Variants in PAM observed in about 807,000 individuals in gnomAD.
The protein encoded by PAM is peptidyl-glycine alpha-amidating monooxygenase.
A neutral mutation model predicts 122.1 loss-of-function variants in PAM; 72 were observed. That is an observed-to-expected ratio of 0.59 (90% CI 0.49 to 0.72). The LOEUF is 0.72. PAM is among the 30% of genes least tolerant of loss of function. PAM has a pLI of 0.00. For synonymous variants in PAM, 389 were observed against 404.4 expected, an observed-to-expected ratio of 0.96 and a Z score of 0.46; for missense variants, 1,106 against 1,183.7, an observed-to-expected ratio of 0.93 and a Z score of 0.96.
intron 3 of PAM, among the ~76,000 whole-genome samples, chr5:102,890,137 C>T (rs1581378887): frequency 6.6e-6 from 1 of 151,818 alleles, no homozygotes; most frequent in African/African-American, 2.4e-5. Context: ...TATCATTTAA[C>T]ATGTTTCTCT....
chr5:102,847,316 A>G (rs532932203), intron 1 of PAM, among the ~76,000 whole-genome samples: 1 of 152,256 alleles, frequency 6.6e-6, no homozygotes, highest in South Asian at 2.1e-4. Flanking sequence ...ACATGTGCCT[A>G]TAATCCCAGC....
chr5:102,958,942 A>G (rs1408119656), intron 12 of PAM, among the ~76,000 whole-genome samples: 1 of 152,104 alleles, frequency 6.6e-6, no homozygotes, highest in Non-Finnish European at 1.5e-5. Context: ...ACTAAAATGG[A>G]CATGTTCCTT....
chr5:102,927,995 A>T (rs949438126), intron 7 of PAM, among the ~76,000 whole-genome samples: 1 of 152,214 alleles, frequency 6.6e-6, no homozygotes, highest in African/African-American at 2.4e-5. Flanking sequence ...GACAGAGATT[A>T]TCTGCTCTAA....
At chr5:103,022,734 C>T (rs1240154511) in intron 23 of PAM, among the ~76,000 whole-genome samples, 1 of 152,054 alleles carries the variant, frequency 6.6e-6, no homozygotes, top group African/African-American at 2.4e-5. Context: ...AGCTTCTTCA[C>T]TCTTCATTCA....
At chr5:102,790,681 A>G (rs1158977348) in intron 1 of PAM, among the ~76,000 whole-genome samples, 2 of 152,206 alleles carry the variant, frequency 1.3e-5, no homozygotes, top group African/African-American at 4.8e-5. Flanking sequence ...CTTACAGAAC[A>G]CTATTTTCAT....
chr5:102,841,637 A>G (rs1778661684), intron 1 of PAM, among the ~76,000 whole-genome samples: 1 of 152,196 alleles, frequency 6.6e-6, no homozygotes, highest in African/African-American at 2.4e-5. Flanking sequence ...TTACAGATGA[A>G]CATAAATGAA....
At chr5:102,860,547 G>A (rs549034855) in intron 1 of PAM, among the ~76,000 whole-genome samples, 16 of 152,134 alleles carry the variant, frequency 1.1e-4, no homozygotes, top group African/African-American at 3.4e-4. Context: ...TTAGCCAGGT[G>A]TAGTGGTGCA....
intron 1 of PAM, among the ~76,000 whole-genome samples, chr5:102,781,309 G>T (rs755522858): frequency 3.3e-5 from 5 of 152,156 alleles, no homozygotes; most frequent in Non-Finnish European, 5.9e-5. Context: ...TAGTATGAGA[G>T]CATAGGAGAA....
intron 1 of PAM, among the ~76,000 whole-genome samples, chr5:102,773,685 C>G (rs1756387914): frequency 6.6e-6 from 1 of 152,034 alleles, no homozygotes. Context: ...AAGGTTTCTC[C>G]TTTTTATTTT....
At chr5:103,022,478 G>A (rs761949257) in intron 23 of PAM, among the ~76,000 whole-genome samples, 9 of 152,084 alleles carry the variant, frequency 5.9e-5, no homozygotes, top group Non-Finnish European at 1.0e-4. Flanking sequence ...ACTCACACAG[G>A]AATGTAGCTA....
chr5:102,949,769 GT>G (rs1561999655), intron 10 of PAM, 132 bp from the exon 11 acceptor site: 4 of 681,080 alleles, frequency 5.9e-6, no homozygotes, highest in African/African-American at 3.7e-5. Context: ...TTATCATATT[GT>G]TTTTTTAAGA....
chr5:102,984,362 C>G (rs754537019), intron 15 of PAM, among the ~76,000 whole-genome samples: 3 of 152,044 alleles, frequency 2.0e-5, no homozygotes, highest in Non-Finnish European at 4.4e-5. Flanking sequence ...TGTAAAGACG[C>G]ATAAAGACTG....
intron 3 of PAM, among the ~76,000 whole-genome samples, chr5:102,879,085 C>T (rs867536940): frequency 3.5e-4 from 53 of 152,180 alleles, no homozygotes; most frequent in African/African-American, 1.1e-3. Context: ...CCTGCCACCA[C>T]ACCCAGCTAA....
intron 7 of PAM, 110 bp downstream of exon 7, chr5:102,926,778 C>A: frequency 1.6e-6 from 1 of 619,840 alleles, no homozygotes. Flanking sequence ...ACCCTCTGCC[C>A]ACTAGGGGAT....
chr5:102,909,621 G>T (rs1253922779), intron 4 of PAM, among the ~76,000 whole-genome samples: 1 of 151,760 alleles, frequency 6.6e-6, no homozygotes, highest in Non-Finnish European at 1.5e-5. Flanking sequence ...AGATGTTGAT[G>T]GGGGAGGCGA....
chr5:102,915,295 G>T (rs1003485118), intron 5 of PAM, among the ~76,000 whole-genome samples: 1 of 151,984 alleles, frequency 6.6e-6, no homozygotes, highest in African/African-American at 2.4e-5. Context: ...CTCTCTTGTC[G>T]TTTTTGTAAT....
chr5:102,981,857 T>G (rs892708652), intron 15 of PAM, among the ~76,000 whole-genome samples: 6 of 152,176 alleles, frequency 3.9e-5, no homozygotes, highest in Non-Finnish European at 8.8e-5. Context: ...AAACATTTGG[T>G]GGGGGAATGA....
intron 21 of PAM, among the ~76,000 whole-genome samples, chr5:103,012,891 G>A (rs2151166719): frequency 6.6e-6 from 1 of 151,918 alleles, no homozygotes; most frequent in South Asian, 2.1e-4. Flanking sequence ...CTGTAGGTGT[G>A]TGGATTTTTG....
chr5:102,859,573 ATTAAT>A lies in PAM; in HGVS notation c.-373-6246_-373-6242del, dbSNP rs568084975. ...AAGTAAAAAGCTACACTGCACTAAG[ATTAAT>A]TTATTATTGAAGAATATTTTTAAAA... On this transcript the variant is annotated intron_variant, in intron 1 of 25. Transcript: ENST00000438793. Among the ~76,000 whole-genome samples the A allele has an allele frequency of 3.8e-3, 573 of 152,288 alleles. 1 individual carries two copies. The highest frequency in any genetic ancestry group is 0.014 in the Middle Eastern group (4 of 294).
Sources: allele counts gnomAD v4.1 joint callset (sites outside exome capture counted in the v4.1 genomes callset), GRCh38; gene constraint gnomAD v4.1.1; transcripts MANE v1.5; gene names NCBI Gene and HGNC (gene_info 2026-07-23, HGNC 2026-07-21).